Variants in SLC39A11 observed in about 807,000 individuals in gnomAD.
SLC39A11 encodes the protein zinc transporter ZIP11.
In SLC39A11, 33 loss-of-function variants were observed where a neutral mutation model predicts 36.1. The observed-to-expected ratio is 0.91, with a 90% CI of 0.69 to 1.22. The LOEUF (loss-of-function observed/expected upper bound fraction) is 1.22, where lower values mean the gene tolerates loss of function less well. SLC39A11 is among the 50% of genes most tolerant of loss of function. The pLI is 0.00. For missense variants in SLC39A11, 432 were observed against 430.3 expected (o/e 1.00, Z -0.03); for synonymous variants, 166 against 170.3 (o/e 0.97, Z 0.20).
intron 5 of SLC39A11, among the ~76,000 whole-genome samples, chr17:72,931,517 C>T (rs147874723): frequency 7.2e-5 from 11 of 152,316 alleles, no homozygotes; most frequent in South Asian, 2.1e-4. Flanking sequence ...TCCGTTCATC[C>T]GCTGCCCCAA....
At chr17:72,800,828 G>A (rs1229730204) in intron 6 of SLC39A11, among the ~76,000 whole-genome samples, 1 of 152,170 alleles carries the variant, frequency 6.6e-6, no homozygotes, top group African/African-American at 2.4e-5. Flanking sequence ...CTCCAAGTCA[G>A]TTCTATTAAT....
chr17:73,017,595 C>G lies in SLC39A11; in HGVS notation c.306+13961G>C, dbSNP rs140737675. 1.8e-3 allele frequency among the ~76,000 whole-genome samples: 280 copies of G among 152,232 alleles called. 1 individual carries two copies. Among genetic ancestry groups the G allele is most frequent in the African/African-American group, 6.5e-3 (269 of 41,540 alleles). On this transcript the variant is annotated intron_variant, in intron 4 of 9. Coordinates refer to ENST00000255559, the MANE Select transcript of SLC39A11 (RefSeq NM_139177.4). Reference sequence around the variant, plus strand: ...GGGCGTGGTGGCACGTGCCTGTAATCCCAGCTACTTGGGAGGCTGAGGAAG... The same window carrying G: ...GGGCGTGGTGGCACGTGCCTGTAATGCCAGCTACTTGGGAGGCTGAGGAAG...
chr17:72,906,308 G>A (rs895687375), intron 5 of SLC39A11, among the ~76,000 whole-genome samples: 1 of 152,248 alleles, frequency 6.6e-6, no homozygotes, highest in Non-Finnish European at 1.5e-5. Flanking sequence ...AGCCACAAAT[G>A]GCCAGGAAGC....
At chr17:72,698,842 T>C (rs1211800506) in intron 7 of SLC39A11, among the ~76,000 whole-genome samples, 1 of 151,952 alleles carries the variant, frequency 6.6e-6, no homozygotes. Context: ...TTTTTTTGTT[T>C]TGTTTTGAGA....
chr17:72,785,785 C>T (rs1255531892), intron 6 of SLC39A11, among the ~76,000 whole-genome samples: 1 of 152,186 alleles, frequency 6.6e-6, no homozygotes, highest in African/African-American at 2.4e-5. Flanking sequence ...ATTGGATTTG[C>T]AGAGCTTGAA....
intron 6 of SLC39A11, among the ~76,000 whole-genome samples, chr17:72,797,841 G>A (rs1341357008): frequency 6.6e-6 from 1 of 152,120 alleles, no homozygotes; most frequent in Non-Finnish European, 1.5e-5. Context: ...GCTTCGTGCT[G>A]GGGGGCACTG....
At chr17:73,027,581 G>C (rs1333678320) in intron 4 of SLC39A11, among the ~76,000 whole-genome samples, 1 of 152,236 alleles carries the variant, frequency 6.6e-6, no homozygotes, top group Admixed American at 6.5e-5. Context: ...GCTCTTCTGA[G>C]TAATGCCCTT....
At chr17:72,937,259 G>A (rs1333614222) in intron 5 of SLC39A11, among the ~76,000 whole-genome samples, 1 of 152,076 alleles carries the variant, frequency 6.6e-6, no homozygotes, top group Non-Finnish European at 1.5e-5. Context: ...TGGCCAACAT[G>A]GTGAAACCAC....
At chr17:72,889,414 C>G (rs964684743) in intron 5 of SLC39A11, among the ~76,000 whole-genome samples, 1 of 146,600 alleles carries the variant, frequency 6.8e-6, no homozygotes, top group African/African-American at 2.5e-5. Flanking sequence ...ACTTGGAAAG[C>G]TGAGGTAGGA....
chr17:72,705,413 T>C (rs1478947185), intron 7 of SLC39A11, among the ~76,000 whole-genome samples: 1 of 152,222 alleles, frequency 6.6e-6, no homozygotes, highest in African/African-American at 2.4e-5. Flanking sequence ...AGTAATTTCA[T>C]AGAATTGGTT....
At position 73,002,649 on chromosome 17, in the gene SLC39A11, C is replaced by A. The variant is rs146083498; in HGVS notation, c.306+28907G>T. On this transcript the variant is annotated intron_variant, in intron 4 of 9. Transcript: ENST00000255559. Reference sequence around the variant, plus strand: ...GAGGAAAGGCACACTATGGGGAGAACTAAAGATGCAAACTGTGTGAGTTCC... The same window carrying A: ...GAGGAAAGGCACACTATGGGGAGAAATAAAGATGCAAACTGTGTGAGTTCC... 5.9e-3 allele frequency among the ~76,000 whole-genome samples: 902 copies of A among 152,302 alleles called. 9 individuals are homozygous for A. The highest frequency in any genetic ancestry group is 8.1e-3 in the Non-Finnish European group (548 of 68,038).
At position 72,886,763 on chromosome 17, in the gene SLC39A11, C is replaced by T. The variant is rs76044414; in HGVS notation, c.431-36959G>A. Among the ~76,000 whole-genome samples, 1,182 of 152,294 alleles carry T rather than the reference C, an allele frequency of 7.8e-3. 11 individuals carry two copies. The highest frequency in any genetic ancestry group is 0.027 in the African/African-American group (1,118 of 41,574). ...TGGAACACTTGCTGGACACCAGCCTCTTGACTGTCCCTCAAATACACCAAG... is the reference window on the plus strand; with the variant it reads ...TGGAACACTTGCTGGACACCAGCCTTTTGACTGTCCCTCAAATACACCAAG... On this transcript the variant is annotated intron_variant, in intron 5 of 9. Transcript: ENST00000255559.
chr17:72,858,879 C>T (rs186655181), intron 5 of SLC39A11, among the ~76,000 whole-genome samples: 103 of 152,296 alleles, frequency 6.8e-4, no homozygotes, highest in African/African-American at 2.5e-3. Context: ...TGTTTATCAG[C>T]TAAAGAAGCT....
At chr17:72,853,189 A>T (rs1040404483) in intron 5 of SLC39A11, among the ~76,000 whole-genome samples, 22 of 122,206 alleles carry the variant, frequency 1.8e-4, no homozygotes, top group Non-Finnish European at 3.1e-4. Flanking sequence ...TAACTTTTGT[A>T]TTTTTTTTTT....
At position 72,749,299 on chromosome 17, in the gene SLC39A11, A is replaced by ACACTCT. The variant is rs2075060675; in HGVS notation, c.602-12581_602-12580insAGAGTG. 6.6e-5 allele frequency among the ~76,000 whole-genome samples: 10 copies of ACACTCT among 152,300 alleles called. No individual in the cohort carries two copies. In the South Asian group the frequency reaches 2.1e-3, roughly 32 times the overall value. On this transcript the variant is annotated intron_variant, in intron 6 of 9. Transcript: ENST00000255559. ...AGAAAAGCTTGCAACCCGGTAGCAA[A>ACACTCT]GTTCCTTGACTCTGAAGTCAGAGCC... is the stretch of plus-strand genomic sequence containing the variant.
intron 6 of SLC39A11, chr17:72,822,160 C>A (rs1343399579): frequency 6.7e-6 from 1 of 150,256 alleles, no homozygotes; most frequent in Non-Finnish European, 1.5e-5. Context: ...GAGTAGGAGA[C>A]AATATGAAAA....
intron 7 of SLC39A11, among the ~76,000 whole-genome samples, chr17:72,702,196 C>T (rs891308073): frequency 5.3e-5 from 8 of 152,220 alleles, no homozygotes; most frequent in Non-Finnish European, 8.8e-5. Flanking sequence ...CTCATAAACT[C>T]GCAAGCTAAC....
chr17:72,862,290 T>C (rs1017763412), intron 5 of SLC39A11, among the ~76,000 whole-genome samples: 2 of 152,154 alleles, frequency 1.3e-5, no homozygotes, highest in African/African-American at 4.8e-5. Context: ...AGACAAAGGC[T>C]GACCTGAGGT....
At chr17:72,711,690 G>A (rs919133370) in intron 7 of SLC39A11, among the ~76,000 whole-genome samples, 3 of 152,156 alleles carry the variant, frequency 2.0e-5, no homozygotes, top group African/African-American at 7.2e-5. Flanking sequence ...GCAGGCGGTG[G>A]GGACACAGGA....
Sources: gnomAD v4.1 joint callset for allele counts (sites outside exome capture counted in the v4.1 genomes callset) on GRCh38, gnomAD v4.1.1 for gene constraint, MANE v1.5 for transcripts, NCBI Gene and HGNC (gene_info 2026-07-23, HGNC 2026-07-21) for gene names.